The following BNC2 variants were observed in gnomAD, a reference collection of about 807,000 sequenced individuals.
The protein encoded by BNC2 is zinc finger protein basonuclin-2.
In BNC2, 20 loss-of-function variants were observed where a neutral mutation model predicts 76.3. The observed-to-expected ratio is 0.26, with a 90% CI of 0.18 to 0.38. BNC2 has a LOEUF of 0.38. Ranked by LOEUF, BNC2 falls within the 10% of genes least tolerant of loss-of-function variation. BNC2 has a pLI of 1.00. For missense variants in BNC2, 1,382 were observed against 1,399.8 expected, an observed-to-expected ratio of 0.99 and a Z score of 0.20; for synonymous variants, 582 against 514.8, an observed-to-expected ratio of 1.13 and a Z score of -1.77.
At chr9:16,816,544 A>T (rs998725048) in intron 1 of BNC2, among the ~76,000 whole-genome samples, 3 of 152,252 alleles carry the variant, frequency 2.0e-5, no homozygotes, top group Admixed American at 6.5e-5. Flanking sequence ...TATAACAATG[A>T]CAGCAGATTT....
At chr9:16,459,648 A>C (rs1249175081) in intron 5 of BNC2, among the ~76,000 whole-genome samples, 1 of 152,154 alleles carries the variant, frequency 6.6e-6, no homozygotes, top group Non-Finnish European at 1.5e-5. Context: ...AACAAAGAAA[A>C]CAGCATGCAA....
intron 3 of BNC2, among the ~76,000 whole-genome samples, chr9:16,601,965 G>C (rs1820256102): frequency 6.6e-6 from 1 of 152,114 alleles, no homozygotes; most frequent in South Asian, 2.1e-4. Context: ...TCTCTTCCCT[G>C]TCTTCTACAT....
chr9:16,500,883 A>C (rs990743895), intron 5 of BNC2, among the ~76,000 whole-genome samples: 4 of 152,222 alleles, frequency 2.6e-5, no homozygotes, highest in Non-Finnish European at 5.9e-5. Flanking sequence ...ATGTCTCACA[A>C]CTAGTAACTA....
At chr9:16,572,648 G>GGT (rs1451525545) in intron 4 of BNC2, among the ~76,000 whole-genome samples, 2 of 152,146 alleles carry the variant, frequency 1.3e-5, no homozygotes, top group Admixed American at 1.3e-4. Flanking sequence ...TTGCTCCGGG[G>GGT]GTGGGGAGTG....
intron 1 of BNC2, among the ~76,000 whole-genome samples, chr9:16,793,409 G>C (rs1434261112): frequency 1.3e-5 from 2 of 152,182 alleles, no homozygotes; most frequent in African/African-American, 4.8e-5. Context: ...TGGTGAAAAT[G>C]ACATGGTTAG....
chr9:16,688,350 G>C (rs202019910), intron 3 of BNC2, among the ~76,000 whole-genome samples: 2 of 152,126 alleles, frequency 1.3e-5, no homozygotes, highest in Non-Finnish European at 2.9e-5. Context: ...TCAGAAGTTA[G>C]CCAGCCACAA....
chr9:16,770,873 AAAAAG>A (rs781671685), intron 1 of BNC2, among the ~76,000 whole-genome samples: 15 of 152,102 alleles, frequency 9.9e-5, no homozygotes, highest in East Asian at 1.9e-4. Context: ...ACCCTGTCAC[AAAAAG>A]AAAAGAAAAG....
intron 4 of BNC2, among the ~76,000 whole-genome samples, chr9:16,553,795 T>A (rs1322142866): frequency 2.6e-5 from 4 of 152,214 alleles, no homozygotes; most frequent in African/African-American, 9.6e-5. Flanking sequence ...GCACACCCTA[T>A]TGCTGATAAT....
chr9:16,696,995 A>G (rs910716230), intron 3 of BNC2, among the ~76,000 whole-genome samples: 1 of 152,204 alleles, frequency 6.6e-6, no homozygotes, highest in African/African-American at 2.4e-5. Flanking sequence ...TTACTTCTGA[A>G]TATCTCTAGA....
chr9:16,493,842 T>C (rs1195809542), intron 5 of BNC2, among the ~76,000 whole-genome samples: 1 of 151,994 alleles, frequency 6.6e-6, no homozygotes, highest in Non-Finnish European at 1.5e-5. Context: ...CAGCAGTAAG[T>C]AGAAAGGCAC....
intron 1 of BNC2, among the ~76,000 whole-genome samples, chr9:16,852,904 A>G (rs1819161251): frequency 6.6e-6 from 1 of 152,186 alleles, no homozygotes; most frequent in African/African-American, 2.4e-5. Context: ...GCAAGGCTGG[A>G]TTAGAGGGAG....
rs76601283 is a variant in BNC2, at chr9:16,488,175, C to T, written c.670-50651G>A. ...CGGTGAGATTAGCCAAAAACCTTAA[C>T]AATGGCCTTTTTCTTGGGTTTCCAA... On this transcript the variant is annotated intron_variant, in intron 5 of 6. Coordinates refer to ENST00000380672, the MANE Select transcript of BNC2 (RefSeq NM_017637.6). 3.7e-3 allele frequency among the ~76,000 whole-genome samples: 563 copies of T among 152,284 alleles called. 5 individuals are homozygous for T. The highest frequency in any genetic ancestry group is 0.013 in the African/African-American group (522 of 41,568).
chr9:16,438,945 T>G (rs1039305810), intron 5 of BNC2, among the ~76,000 whole-genome samples: 12 of 152,118 alleles, frequency 7.9e-5, no homozygotes, highest in African/African-American at 2.4e-4. Flanking sequence ...GTAGCTCCCA[T>G]AATCCCCAAA....
intron 1 of BNC2, chr9:16,832,270 C>G (rs1167615503): frequency 7.8e-7 from 1 of 1,284,368 alleles, no homozygotes; most frequent in African/African-American, 1.5e-5. Context: ...CTAGAAGGTT[C>G]TTTGACGTCA....
At chr9:16,497,188 T>A (rs1822408580) in intron 5 of BNC2, among the ~76,000 whole-genome samples, 1 of 152,278 alleles carries the variant, frequency 6.6e-6, no homozygotes, top group African/African-American at 2.4e-5. Flanking sequence ...TTCCTAGTCA[T>A]CTCAAAGTGT....
At chr9:16,424,272 A>G (rs576065741) in intron 6 of BNC2, among the ~76,000 whole-genome samples, 1 of 152,122 alleles carries the variant, frequency 6.6e-6, no homozygotes, top group African/African-American at 2.4e-5. Flanking sequence ...AAAAGAAAAA[A>G]AAAAAAAACA....
At chr9:16,607,699 T>A (rs115285402) in intron 3 of BNC2, among the ~76,000 whole-genome samples, 1,747 of 152,312 alleles carry the variant, frequency 0.011, 37 homozygotes, top group South Asian at 0.077. Context: ...CAGATGAGGT[T>A]CATTTTAAGT....
At chr9:16,594,101 T>C (rs528650677) in intron 3 of BNC2, among the ~76,000 whole-genome samples, 104 of 152,312 alleles carry the variant, frequency 6.8e-4, no homozygotes, top group African/African-American at 2.5e-3. Flanking sequence ...ACAGGATTTA[T>C]AATGAGATGC....
At chr9:16,725,854 G>C (rs1006364583) in intron 3 of BNC2, among the ~76,000 whole-genome samples, 1 of 152,058 alleles carries the variant, frequency 6.6e-6, no homozygotes, top group Non-Finnish European at 1.5e-5. Context: ...CTTGGAAATG[G>C]GCTAGTGCCA....
Sources: allele counts gnomAD v4.1 joint callset (sites outside exome capture counted in the v4.1 genomes callset), GRCh38; gene constraint gnomAD v4.1.1; transcripts MANE v1.5; gene names NCBI Gene and HGNC (gene_info 2026-07-23, HGNC 2026-07-21).